Variants in LMO7 observed in about 807,000 individuals in gnomAD.
LMO7 encodes LIM domain 7.
LMO7 carries 120 observed loss-of-function variants against 206.5 expected under a neutral mutation model. The ratio of observed to expected loss-of-function variants is 0.58; its 90% confidence interval spans 0.50 to 0.68. LMO7 has a LOEUF of 0.68. Among genes scored for constraint, LMO7 ranks in the 30% least tolerant of loss-of-function variants. The probability of loss-of-function intolerance (pLI) is 0.00; values close to 1 mark genes in which losing one functional copy is unlikely to be tolerated. For synonymous variants in LMO7, 706 were observed against 681.5 expected (o/e 1.04, Z -0.56); for missense variants, 1,959 against 1,957.9 (o/e 1.00, Z -0.01).
intron 20 of LMO7, among the ~76,000 whole-genome samples, chr13:75,838,945 A>C (rs1265762284): frequency 6.6e-6 from 1 of 152,182 alleles, no homozygotes; most frequent in Non-Finnish European, 1.5e-5. Context: ...TGGTCAGAGG[A>C]TATTGTGCTG....
chr13:75,832,918 G>A lies in LMO7; in HGVS notation c.2950-133G>A, dbSNP rs1397125671. ...AAGTTTTACCAACCTAAGGAAGAAAGAATGAAGCTTCTAGTTTATCATGAA... is the reference window on the plus strand; with the variant it reads ...AAGTTTTACCAACCTAAGGAAGAAAAAATGAAGCTTCTAGTTTATCATGAA... On this transcript the variant is annotated intron_variant, in intron 15 of 30. Coordinates refer to ENST00000377534, the MANE Select transcript of LMO7 (RefSeq NM_001306080.2). 4 of 543,462 alleles carry A rather than the reference G, an allele frequency of 7.4e-6. No homozygotes were observed. In the Admixed American group the frequency reaches 1.3e-4, roughly 17 times the overall value. 33.7% of individuals were successfully genotyped at this position (543,462 alleles called of 1,614,324 possible). A position where few individuals can be genotyped will look rare whatever the true frequency, so the allele number is the denominator to read the frequency against.
At chr13:75,841,278 T>C (rs540185427) in intron 23 of LMO7, 77 bp downstream of exon 23, 3 of 897,364 alleles carry the variant, frequency 3.3e-6, no homozygotes, top group Non-Finnish European at 3.5e-6. Context: ...CAGGAGACAC[T>C]TCATTTTTCT....
chr13:75,673,373 A>G (rs2039749629), intron 1 of LMO7, among the ~76,000 whole-genome samples: 1 of 152,208 alleles, frequency 6.6e-6, no homozygotes, highest in African/African-American at 2.4e-5. Context: ...CATGTGTCCC[A>G]GAGGACCACT....
At chr13:75,764,703 A>G (rs1188951824) in intron 4 of LMO7, among the ~76,000 whole-genome samples, 1 of 152,124 alleles carries the variant, frequency 6.6e-6, no homozygotes, top group Admixed American at 6.6e-5. Flanking sequence ...GAGAAATTGA[A>G]CAGATTGTAA....
chr13:75,808,666 A>G (rs1363360422), intron 10 of LMO7, among the ~76,000 whole-genome samples: 3 of 152,212 alleles, frequency 2.0e-5, no homozygotes, highest in South Asian at 2.1e-4. Flanking sequence ...TTCTTGGACT[A>G]TCATTTGTAA....
intron 1 of LMO7, among the ~76,000 whole-genome samples, chr13:75,701,682 C>T (rs1432130885): frequency 3.3e-5 from 5 of 151,942 alleles, no homozygotes; most frequent in Admixed American, 3.3e-4. Context: ...GACTTTTTTC[C>T]CTTAGGATAT....
rs1424874883 is a variant in LMO7, at chr13:75,823,697, G to A, written c.2773G>A (p.Ala925Thr). 2.5e-6 allele frequency: 4 copies of A among 1,614,172 alleles called. No homozygotes were observed. In the South Asian group the frequency reaches 4.4e-5, roughly 18 times the overall value. ...ASSLSSQKEV[A>T]ATEEDVTRLP... ...AAGCTTATCTAGCCAGAAAGAGGTA[G>A]CAGCAACAGAAGAAGATGTGACAAG... The change falls in exon 15 of 31, where the codon GCA becomes ACA. Residue 925 changes from alanine to threonine, a missense_variant. Physicochemically the swap from Ala to Thr is moderately conservative, Grantham distance 58. Coordinates refer to ENST00000377534, the MANE Select transcript of LMO7 (RefSeq NM_001306080.2).
At chr13:75,700,531 T>C (rs553610006) in intron 1 of LMO7, among the ~76,000 whole-genome samples, 1 of 152,276 alleles carries the variant, frequency 6.6e-6, no homozygotes, top group Non-Finnish European at 1.5e-5. Flanking sequence ...ATGATTGTTT[T>C]CCTTATTAAG....
At chr13:75,643,387 C>T (rs1455995509) in intron 1 of LMO7, among the ~76,000 whole-genome samples, 2 of 152,196 alleles carry the variant, frequency 1.3e-5, no homozygotes, top group East Asian at 1.9e-4. Flanking sequence ...CAGGTGAACT[C>T]GTTCTTCTAG....
chr13:75,621,653 G>T, exon 1 of LMO7: 1 of 1,264,336 alleles, frequency 7.9e-7, no homozygotes, highest in Admixed American at 2.3e-5. Flanking sequence ...CAATATATGG[G>T]TACGGTCTAA....
chr13:75,737,092 A>G (rs187329864), intron 3 of LMO7, among the ~76,000 whole-genome samples: 3 of 152,278 alleles, frequency 2.0e-5, no homozygotes, highest in Admixed American at 1.3e-4. Flanking sequence ...GTTGGAGATG[A>G]TATAACTAGT....
chr13:75,734,121 C>T (rs924503964), intron 3 of LMO7, among the ~76,000 whole-genome samples: 7 of 152,192 alleles, frequency 4.6e-5, no homozygotes, highest in African/African-American at 1.7e-4. Context: ...CTGTCTTTCT[C>T]TTTGCCACAA....
intron 4 of LMO7, among the ~76,000 whole-genome samples, chr13:75,782,351 G>C (rs533983755): frequency 5.3e-5 from 8 of 152,208 alleles, no homozygotes; most frequent in Admixed American, 3.9e-4. Context: ...TTTTAGGTCA[G>C]ATCAACTGGG....
At chr13:75,711,338 C>T (rs1480273503) in intron 1 of LMO7, among the ~76,000 whole-genome samples, 2 of 152,186 alleles carry the variant, frequency 1.3e-5, no homozygotes, top group Non-Finnish European at 2.9e-5. Context: ...AGGACTCCCT[C>T]TTTTTCTATT....
In LMO7 at chr13:75,807,664, G is replaced by C; in HGVS notation, c.1381G>C (p.Asp461His). ...AGCCCTGGATCCTGACTTAGAGAAT[G>C]ATGATTTCTTTGTCAGAAAGACTGG... ...MAALDPDLEN[D>H]DFFVRKTGAF... The change falls in exon 10 of 31, where the codon GAT becomes CAT. Residue 461 changes from aspartate to histidine, a missense_variant. Physicochemically the swap from Asp to His is moderately conservative, Grantham distance 81 (BLOSUM62 -1). Coordinates refer to ENST00000377534, the MANE Select transcript of LMO7 (RefSeq NM_001306080.2). 1 of 1,613,986 alleles carries C rather than the reference G, an allele frequency of 6.2e-7. No homozygotes were observed. Among genetic ancestry groups the C allele is most frequent in the Non-Finnish European group, 8.5e-7 (1 of 1,179,884 alleles).
intron 4 of LMO7, among the ~76,000 whole-genome samples, chr13:75,782,539 T>G (rs2051678881): frequency 6.6e-6 from 1 of 152,260 alleles, no homozygotes; most frequent in African/African-American, 2.4e-5. Context: ...GTTTATTTTC[T>G]GTTGCCGCTA....
intron 1 of LMO7, among the ~76,000 whole-genome samples, chr13:75,702,603 A>G (rs2042354168): frequency 6.6e-6 from 1 of 152,226 alleles, no homozygotes; most frequent in Non-Finnish European, 1.5e-5. Flanking sequence ...AAGGAATGTT[A>G]TTTGCTGAAT....
chr13:75,756,582 T>C (rs1274900334), intron 3 of LMO7, among the ~76,000 whole-genome samples: 15 of 152,140 alleles, frequency 9.9e-5, no homozygotes, highest in Non-Finnish European at 1.3e-4. Context: ...TCTTGAAGGA[T>C]TTCAGAATTT....
At chr13:75,752,100 G>A (rs2047317873) in intron 3 of LMO7, among the ~76,000 whole-genome samples, 1 of 151,910 alleles carries the variant, frequency 6.6e-6, no homozygotes, top group Non-Finnish European at 1.5e-5. Flanking sequence ...CTCTATATAT[G>A]CAACAGCACT....
Sources: allele counts gnomAD v4.1 joint callset (sites outside exome capture counted in the v4.1 genomes callset), GRCh38; gene constraint gnomAD v4.1.1; transcripts MANE v1.5; gene names NCBI Gene and HGNC (gene_info 2026-07-23, HGNC 2026-07-21).